The following GKAP1 variants were observed in gnomAD, a reference collection of about 807,000 sequenced individuals.
GKAP1 encodes the protein G kinase anchoring protein 1.
GKAP1 carries 31 observed loss-of-function variants against 56.7 expected under a neutral mutation model. That is an observed-to-expected ratio of 0.55 (90% confidence interval 0.41 to 0.74). The LOEUF is 0.74. GKAP1 is among the 30% of genes least tolerant of loss of function. The pLI is 0.00. For missense variants in GKAP1, 364 were observed against 402.3 expected, an observed-to-expected ratio of 0.90 and a Z score of 0.82; for synonymous variants, 151 against 138.6, an observed-to-expected ratio of 1.09 and a Z score of -0.63.
chr9:83,801,133 G>A lies in GKAP1; in HGVS notation c.217-1805C>T, dbSNP rs143485671. The stretch of plus-strand genomic sequence containing the variant: ...GGTTGGGCCCTAATCCAATATGACT[G>A]GTATCCTTATACAAAGAGGTGAAGA... On this transcript the variant is annotated intron_variant, in intron 3 of 12. Coordinates refer to ENST00000376371, the MANE Select transcript of GKAP1 (RefSeq NM_025211.4). Among the ~76,000 whole-genome samples the A allele has an allele frequency of 2.6e-5, 4 of 152,210 alleles. No individual in the cohort carries two copies. The East Asian group carries it at 7.7e-4, about 29-fold the overall frequency.
chr9:83,779,348 AT>A (rs573985391), intron 7 of GKAP1, among the ~76,000 whole-genome samples: 2 of 150,308 alleles, frequency 1.3e-5, no homozygotes, highest in East Asian at 1.9e-4. Context: ...TTTAGATGTG[AT>A]TTTTTTTAAG....
rs142758620 is a variant in GKAP1 at position 83,788,668 on chromosome 9, T to C, written c.371A>G (p.Glu124Gly). 1.2e-6 allele frequency: 2 copies of C among 1,603,310 alleles called. No homozygotes were observed. Among genetic ancestry groups the C allele is most frequent in the Admixed American group, 1.7e-5 (1 of 59,194 alleles). Residue 124 changes from glutamate to glycine, a missense_variant, in exon 5 of 13, where the codon GAA (glutamate) becomes GGA (glycine). Glu to Gly is a moderately conservative substitution (Grantham distance 98). Coordinates refer to ENST00000376371, the MANE Select transcript of GKAP1 (RefSeq NM_025211.4). ...CTTCTCAAGATCTGCTTCAAACATT[T>C]CAGATGTCAGCTACAAAAAAAAAGT... ...WRQRDEQLTS[E>G]MFEADLEKAL...
At chr9:83,739,966 A>G (rs906430532) in intron 12 of GKAP1, among the ~76,000 whole-genome samples, 1 of 152,148 alleles carries the variant, frequency 6.6e-6, no homozygotes, top group Non-Finnish European at 1.5e-5. Context: ...TTCTATTTGA[A>G]TAAGAGTCTT....
chr9:83,803,258 C>CCCTCTT (rs1944362931), intron 3 of GKAP1, among the ~76,000 whole-genome samples: 1 of 132,866 alleles, frequency 7.5e-6, no homozygotes, highest in Non-Finnish European at 1.7e-5. Context: ...CTCTCCCTCT[C>CCCTCTT]GGTCTCCCTC....
chr9:83,756,328 G>A (rs187746010), intron 8 of GKAP1, among the ~76,000 whole-genome samples: 227 of 151,812 alleles, frequency 1.5e-3, no homozygotes, highest in Admixed American at 4.5e-3. Context: ...AAAATTAGCT[G>A]GGTGTGGTGG....
chr9:83,800,063 C>G (rs1222892418), intron 3 of GKAP1, among the ~76,000 whole-genome samples: 1 of 152,182 alleles, frequency 6.6e-6, no homozygotes, highest in Non-Finnish European at 1.5e-5. Context: ...ACTCTGACAA[C>G]TACTTTGCTA....
chr9:83,766,568 T>C lies in GKAP1; in HGVS notation c.738+2250A>G, dbSNP rs1943667094. Among the ~76,000 whole-genome samples, 3 of 152,234 alleles carry C rather than the reference T, an allele frequency of 2.0e-5. 1 individual carries two copies. The South Asian group carries it at 6.2e-4, about 32-fold the overall frequency. On this transcript the variant is annotated intron_variant, in intron 8 of 12. Coordinates refer to ENST00000376371, the MANE Select transcript of GKAP1 (RefSeq NM_025211.4). ...AAAAGTTCTTAAAGCTTCTCCTGTA[T>C]ACCATATAACACAAATGTTAATAGA...
At chr9:83,753,436 T>C in intron 8 of GKAP1, 77 bp from the exon 9 acceptor site, 2 of 972,552 alleles carry the variant, frequency 2.1e-6, no homozygotes. Flanking sequence ...TTGTGAAAAG[T>C]TTAAGAGGAA....
intron 12 of GKAP1, among the ~76,000 whole-genome samples, chr9:83,741,739 G>T (rs113218383): frequency 5.3e-5 from 8 of 152,074 alleles, no homozygotes; most frequent in African/African-American, 1.7e-4. Context: ...GTAGTACCAA[G>T]AATTTTCCTG....
At chr9:83,746,128 T>C (rs1943290130) in intron 10 of GKAP1, among the ~76,000 whole-genome samples, 1 of 152,160 alleles carries the variant, frequency 6.6e-6, no homozygotes, top group Non-Finnish European at 1.5e-5. Context: ...TGTGTAATAG[T>C]TAAGTTATAA....
intron 7 of GKAP1, among the ~76,000 whole-genome samples, chr9:83,778,227 A>G (rs889373741): frequency 2.0e-5 from 3 of 152,230 alleles, no homozygotes; most frequent in Non-Finnish European, 4.4e-5. Flanking sequence ...AAATGGTTCT[A>G]TTATAAAGAC....
intron 4 of GKAP1, among the ~76,000 whole-genome samples, chr9:83,792,731 G>A (rs1337094695): frequency 6.6e-6 from 1 of 152,090 alleles, no homozygotes; most frequent in Non-Finnish European, 1.5e-5. Flanking sequence ...AAATGTATAG[G>A]TAAAAGAGAG....
In GKAP1 at chr9:83,739,762, A is replaced by T. The variant is rs1433587250; in HGVS notation, c.1054-18T>A. Reference sequence around the variant, plus strand: ...CTGCCACCCTGTAAAAAAAAAAAAAAATAGGGAAAATTATTTACAACATAC... The same window carrying T: ...CTGCCACCCTGTAAAAAAAAAAAAATATAGGGAAAATTATTTACAACATAC... On this transcript the variant is annotated intron_variant, in intron 12 of 12. Coordinates refer to ENST00000376371, the MANE Select transcript of GKAP1 (RefSeq NM_025211.4). The T allele has an allele frequency of 6.3e-7, 1 of 1,584,254 alleles. No individual in the cohort carries two copies. Among genetic ancestry groups the T allele is most frequent in the South Asian group, 1.1e-5 (1 of 89,412 alleles).
At chr9:83,771,559 T>C (rs1366254348) in intron 7 of GKAP1, among the ~76,000 whole-genome samples, 2 of 152,346 alleles carry the variant, frequency 1.3e-5, no homozygotes, top group East Asian at 3.9e-4. Context: ...TGTGCAACAC[T>C]TTATATCTTG....
intron 3 of GKAP1, among the ~76,000 whole-genome samples, chr9:83,800,345 T>G (rs1043812116): frequency 4.0e-5 from 6 of 150,368 alleles, no homozygotes; most frequent in South Asian, 2.1e-4. Flanking sequence ...TTTTTTTGTT[T>G]TTTTTTTTTT....
intron 8 of GKAP1, among the ~76,000 whole-genome samples, chr9:83,762,992 G>A (rs1193966770): frequency 2.6e-5 from 4 of 152,180 alleles, no homozygotes; most frequent in South Asian, 4.1e-4. Context: ...GCACTCCCAT[G>A]TTTATCACAG....
intron 3 of GKAP1, among the ~76,000 whole-genome samples, chr9:83,800,787 T>C (rs116262638): frequency 0.017 from 2,580 of 152,272 alleles, 67 homozygotes; most frequent in African/African-American, 0.059. Flanking sequence ...TCAAACCATG[T>C]TCAAATAAGG....
intron 2 of GKAP1, among the ~76,000 whole-genome samples, chr9:83,808,555 C>T (rs949324947): frequency 1.3e-5 from 2 of 152,114 alleles, no homozygotes; most frequent in African/African-American, 4.8e-5. Flanking sequence ...CGAGGTTGCA[C>T]GACTGACTCC....
Position 83,799,332 on chromosome 9 carries a change from T to C in GKAP1, c.217-4A>G, listed in dbSNP as rs575392343. The C allele has an allele frequency of 5.1e-6, 8 of 1,565,450 alleles. No homozygotes were observed. Among genetic ancestry groups the C allele is most frequent in the South Asian group, 3.6e-5 (3 of 83,236 alleles). On this transcript the variant is annotated splice_polypyrimidine_tract_variant and splice_region_variant and intron_variant, in intron 3 of 12. Coordinates refer to ENST00000376371, the MANE Select transcript of GKAP1 (RefSeq NM_025211.4). ...TCTTAAAAGCAAGATTCCTGAGCTA[T>C]AAAACAAACAAAAAATATATTAAAT...
Sources: gnomAD v4.1 joint callset for allele counts (sites outside exome capture counted in the v4.1 genomes callset) on GRCh38, gnomAD v4.1.1 for gene constraint, MANE v1.5 for transcripts, NCBI Gene and HGNC (gene_info 2026-07-23, HGNC 2026-07-21) for gene names.